Variants in SLC71A1 observed in about 807,000 individuals in gnomAD.
SLC71A1 encodes hippocampus abundant gene transcript 1.
At chr1:100,055,072 A>C in the SLC71A1 span, among the ~76,000 whole-genome samples, 5 of 152,382 alleles carry the variant, frequency 3.3e-5, no homozygotes, top group East Asian at 9.6e-4. Context: ...AATGGAATAC[A>C]GCTTGGCAAA....
the SLC71A1 span, among the ~76,000 whole-genome samples, chr1:100,067,142 T>TA: frequency 3.9e-5 from 6 of 152,120 alleles, no homozygotes; most frequent in East Asian, 1.9e-4. Flanking sequence ...CCAGTCTTCT[T>TA]AAAAAAATCT....
the SLC71A1 span, among the ~76,000 whole-genome samples, chr1:100,064,225 T>C: frequency 4.6e-5 from 7 of 152,132 alleles, no homozygotes; most frequent in Non-Finnish European, 1.0e-4. Context: ...TACTGCAACC[T>C]CCGCCTCCTG....
chr1:100,060,066 T>C, the SLC71A1 span: 12 of 1,432,352 alleles, frequency 8.4e-6, no homozygotes, highest in Non-Finnish European at 1.1e-5. Flanking sequence ...TTTCTTAATG[T>C]TCCTTTATTT....
At chr1:100,057,833 C>T in the SLC71A1 span, among the ~76,000 whole-genome samples, 2 of 152,202 alleles carry the variant, frequency 1.3e-5, no homozygotes, top group Admixed American at 1.3e-4. Flanking sequence ...CCCTACCTTC[C>T]TTATTACCCA....
chr1:100,056,032 T>TGA, the SLC71A1 span, among the ~76,000 whole-genome samples: 1 of 152,218 alleles, frequency 6.6e-6, no homozygotes, highest in Non-Finnish European at 1.5e-5. Flanking sequence ...ATTACAGGCG[T>TGA]GAGCCACCAC....
the SLC71A1 span, among the ~76,000 whole-genome samples, chr1:100,071,310 AAAAAAAG>A: frequency 6.7e-6 from 1 of 150,130 alleles, no homozygotes; most frequent in African/African-American, 2.5e-5. Flanking sequence ...AAAAAAAAAA[AAAAAAAG>A]AAAGAAAGCC....
At chr1:100,064,727 CT>C in the SLC71A1 span, among the ~76,000 whole-genome samples, 6,804 of 142,188 alleles carry the variant, frequency 0.048, 450 homozygotes, top group African/African-American at 0.16. Flanking sequence ...GTCTCTTTTC[CT>C]TTTTTTTTTT....
At chr1:100,047,525 C>A in the SLC71A1 span, among the ~76,000 whole-genome samples, 2,040 of 152,320 alleles carry the variant, frequency 0.013, 18 homozygotes, top group Middle Eastern at 0.058. Context: ...CGCGTTCAAG[C>A]GATTCTCCTG....
the SLC71A1 span, among the ~76,000 whole-genome samples, chr1:100,038,641 GCCC>G: frequency 6.6e-6 from 1 of 151,878 alleles, no homozygotes; most frequent in African/African-American, 2.4e-5. Flanking sequence ...TCCCCCGGCG[GCCC>G]GCCCGCCGCG....
the SLC71A1 span, among the ~76,000 whole-genome samples, chr1:100,047,580 G>A: frequency 6.6e-6 from 1 of 152,128 alleles, no homozygotes; most frequent in Non-Finnish European, 1.5e-5. Context: ...GCGCCACCAC[G>A]CCTGGCTAAT....
the SLC71A1 span, among the ~76,000 whole-genome samples, chr1:100,074,879 G>GA: frequency 5.8e-4 from 86 of 149,454 alleles, no homozygotes; most frequent in Non-Finnish European, 9.1e-4. Context: ...CGTCTCAAAA[G>GA]AAAAAAAAAC....
At chr1:100,063,782 C>G in the SLC71A1 span, among the ~76,000 whole-genome samples, 2 of 152,094 alleles carry the variant, frequency 1.3e-5, no homozygotes, top group African/African-American at 4.8e-5. Context: ...AGCCACAGAG[C>G]GAGACCTGTC....
At chr1:100,042,440 G>T in the SLC71A1 span, among the ~76,000 whole-genome samples, 1 of 152,064 alleles carries the variant, frequency 6.6e-6, no homozygotes, top group South Asian at 2.1e-4. Flanking sequence ...TCAAGAGCAG[G>T]ACCCAAGCTC....
At chr1:100,045,742 G>A in the SLC71A1 span, among the ~76,000 whole-genome samples, 327 of 151,118 alleles carry the variant, frequency 2.2e-3, no homozygotes, top group Non-Finnish European at 2.1e-3. Flanking sequence ...ACAGAGTCTC[G>A]CTCTGTCGCC....
the SLC71A1 span, chr1:100,068,449 C>A: frequency 1.4e-6 from 2 of 1,454,890 alleles, no homozygotes; most frequent in Non-Finnish European, 1.9e-6. Context: ...AACCTTATAT[C>A]AATCAGTCTT....
At chr1:100,041,521 A>G in the SLC71A1 span, among the ~76,000 whole-genome samples, 1 of 152,272 alleles carries the variant, frequency 6.6e-6, no homozygotes, top group Non-Finnish European at 1.5e-5. Flanking sequence ...TAACTAAAGA[A>G]TAAGTTCCAC....
At chr1:100,077,379 C>CTAAG in the SLC71A1 span, 2 of 652,072 alleles carry the variant, frequency 3.1e-6, no homozygotes, top group Middle Eastern at 3.3e-4. Flanking sequence ...CTGTCTCATA[C>CTAAG]TATGCTTTTT....
chr1:100,069,559 C>T, the SLC71A1 span: 1 of 1,084,086 alleles, frequency 9.2e-7, no homozygotes, highest in South Asian at 1.4e-5. Flanking sequence ...CAGTGGTTTT[C>T]TATCTGGTAT....
the SLC71A1 span, among the ~76,000 whole-genome samples, chr1:100,049,496 C>T: frequency 5.3e-5 from 8 of 152,264 alleles, no homozygotes; most frequent in East Asian, 5.8e-4. Context: ...ATACACCCAA[C>T]GTGCAGCCCA....
Sources: gnomAD v4.1 joint callset for allele counts (sites outside exome capture counted in the v4.1 genomes callset) on GRCh38, gnomAD v4.1.1 for gene constraint, MANE v1.5 for transcripts, NCBI Gene and HGNC (gene_info 2026-07-23, HGNC 2026-07-21) for gene names.